Variants in CBX5 observed in about 807,000 individuals in gnomAD.
CBX5 encodes chromobox 5.
A neutral mutation model predicts 20.7 loss-of-function variants in CBX5; 7 were observed. The observed-to-expected ratio is 0.34, with a 90% CI of 0.19 to 0.63. The LOEUF (loss-of-function observed/expected upper bound fraction) is 0.63, where lower values mean the gene tolerates loss of function less well. Ranked by LOEUF, CBX5 falls within the 30% of genes least tolerant of loss-of-function variation. The pLI is 0.75. For synonymous variants in CBX5, 78 were observed against 77.0 expected (o/e 1.01, Z -0.07); for missense variants, 110 against 224.1 (o/e 0.49, Z 3.25).
chr12:54,257,780 C>T lies in CBX5; in HGVS notation c.-42-88G>A, dbSNP rs991762634. On this transcript the variant is annotated intron_variant, in intron 1 of 4. Transcript: ENST00000209875. ...TTGATGGGATGAAAAGGGGATAACACTGAGTTGCCATGTGCCCTGCTCTTG... is the reference window on the plus strand; with the variant it reads ...TTGATGGGATGAAAAGGGGATAACATTGAGTTGCCATGTGCCCTGCTCTTG... The T allele has an allele frequency of 4.4e-6, 4 of 916,382 alleles. No homozygotes were observed. The African/African-American group carries it at 5.0e-5, about 11-fold the overall frequency. The allele number at this position is 916,382 out of a possible 1,614,324, so 56.8% of individuals were successfully genotyped here. A position where few individuals can be genotyped will look rare whatever the true frequency, so the allele number is the denominator to read the frequency against.
rs1215507350 is a variant in CBX5, at chr12:54,236,001, C to T, written c.*5754G>A. 6.6e-6 allele frequency: 1 copy of T among 152,216 alleles called. No homozygotes were observed. Among genetic ancestry groups the T allele is most frequent in the East Asian group, 1.9e-4 (1 of 5,196 alleles). The allele number at this position is 152,216 out of a possible 1,614,324, so 9.4% of individuals were successfully genotyped here. A position where few individuals can be genotyped will look rare whatever the true frequency, so the allele number is the denominator to read the frequency against. On this transcript the variant is annotated 3_prime_UTR_variant, in exon 5 of 5. Transcript: ENST00000209875. ...CAATCCCAACTCACCTGTTTTCTCT[C>T]TCAGTAATAACAGCATTTCCAACCC...
chr12:54,240,267 T>C lies in CBX5; in HGVS notation c.*1488A>G, dbSNP rs773192089. On this transcript the variant is annotated 3_prime_UTR_variant, in exon 5 of 5. Coordinates refer to ENST00000209875, the MANE Select transcript of CBX5 (RefSeq NM_012117.3). ...GGATATGATCAGACAAATTTCTCAA[T>C]AGCAACACAAGAAGAAACCAAAACG... 2 of 152,122 alleles carry C rather than the reference T, an allele frequency of 1.3e-5. No individual in the cohort carries two copies. Among genetic ancestry groups the C allele is most frequent in the South Asian group, 2.1e-4 (1 of 4,828 alleles). The allele number at this position is 152,122 out of a possible 1,614,324, so 9.4% of individuals were successfully genotyped here.
intron 1 of CBX5, among the ~76,000 whole-genome samples, chr12:54,271,386 C>T (rs911309530): frequency 4.6e-5 from 7 of 152,126 alleles, no homozygotes; most frequent in Non-Finnish European, 8.8e-5. Context: ...AGTGCAGTGG[C>T]GCGATCTCCG....
chr12:54,258,450 C>T (rs1031363093), intron 1 of CBX5: 2 of 152,146 alleles, frequency 1.3e-5, no homozygotes, highest in Non-Finnish European at 2.9e-5. Flanking sequence ...TAAGAAGGTA[C>T]CTCTCCCTCT....
chr12:54,248,533 GATC>G (rs1438304323), intron 3 of CBX5, among the ~76,000 whole-genome samples: 1 of 152,156 alleles, frequency 6.6e-6, no homozygotes, highest in Non-Finnish European at 1.5e-5. Context: ...TCCACGCGTG[GATC>G]AATGAGAGAT....
intron 1 of CBX5, among the ~76,000 whole-genome samples, chr12:54,267,016 G>A (rs1291353675): frequency 1.3e-5 from 2 of 152,180 alleles, no homozygotes; most frequent in Non-Finnish European, 2.9e-5. Flanking sequence ...ATGGGAAAAT[G>A]CCTTCCAGAT....
chr12:54,256,780 C>T (rs1003237006), intron 2 of CBX5, among the ~76,000 whole-genome samples: 12 of 152,134 alleles, frequency 7.9e-5, no homozygotes, highest in African/African-American at 2.9e-4. Flanking sequence ...CAGCCAGGCA[C>T]GGTGGCTCAC....
At chr12:54,244,694 C>T (rs1283338321) in intron 4 of CBX5, among the ~76,000 whole-genome samples, 5 of 151,830 alleles carry the variant, frequency 3.3e-5, no homozygotes, top group Non-Finnish European at 5.9e-5. Context: ...GCCAAGATCG[C>T]GCCACTGCAC....
chr12:54,253,910 G>A (rs995280527), intron 2 of CBX5, among the ~76,000 whole-genome samples: 2 of 151,472 alleles, frequency 1.3e-5, no homozygotes, highest in African/African-American at 4.9e-5. Context: ...ACAGGCATGC[G>A]CCACCAATTT....
At chr12:54,265,708 TC>T (rs1348757257) in intron 1 of CBX5, among the ~76,000 whole-genome samples, 2 of 152,130 alleles carry the variant, frequency 1.3e-5, no homozygotes, top group Non-Finnish European at 2.9e-5. Context: ...AGAAATGTTC[TC>T]CCATTGGCTA....
chr12:54,256,186 A>G (rs748791776), intron 2 of CBX5, among the ~76,000 whole-genome samples: 31 of 152,320 alleles, frequency 2.0e-4, no homozygotes, highest in Non-Finnish European at 4.1e-4. Flanking sequence ...AATGGGCCCA[A>G]TAAACATCTT....
rs1224603540 is a variant in CBX5, at chr12:54,241,626, T to C, written c.*129A>G. On this transcript the variant is annotated 3_prime_UTR_variant, in exon 5 of 5. Coordinates refer to ENST00000209875, the MANE Select transcript of CBX5 (RefSeq NM_012117.3). ...AGAGAACCAATACCAACATTTCTCC[T>C]GTGGAGCACAGTGATAAGCACATTT... 1.3e-6 allele frequency: 1 copy of C among 790,282 alleles called. No individual in the cohort carries two copies. Among genetic ancestry groups the C allele is most frequent in the African/African-American group, 1.7e-5 (1 of 57,388 alleles). 49.0% of individuals were successfully genotyped at this position (790,282 alleles called of 1,614,324 possible).
At chr12:54,269,292 C>T (rs914443279) in intron 1 of CBX5, among the ~76,000 whole-genome samples, 1 of 152,088 alleles carries the variant, frequency 6.6e-6, no homozygotes, top group Non-Finnish European at 1.5e-5. Context: ...CTGTTTTAAG[C>T]GTTCCTGCTT....
chr12:54,257,413 G>T, intron 2 of CBX5, 101 bp downstream of exon 2: 1 of 1,192,792 alleles, frequency 8.4e-7, no homozygotes, highest in South Asian at 1.4e-5. Flanking sequence ...GAGTGCAGGA[G>T]GGGGAAGAAA....
At chr12:54,248,692 G>C (rs749359462) in intron 3 of CBX5, among the ~76,000 whole-genome samples, 1 of 152,192 alleles carries the variant, frequency 6.6e-6, no homozygotes, top group Non-Finnish European at 1.5e-5. Flanking sequence ...TTGCTACATA[G>C]GGAGGGAAGA....
intron 1 of CBX5, chr12:54,272,057 C>T (rs1262725834): frequency 1.3e-5 from 2 of 152,166 alleles, no homozygotes; most frequent in Admixed American, 6.5e-5. Context: ...ACAGAGAGTT[C>T]AAGGATTTGT....
intron 1 of CBX5, among the ~76,000 whole-genome samples, chr12:54,270,048 CT>C (rs1565874410): frequency 6.6e-6 from 1 of 151,884 alleles, no homozygotes; most frequent in Non-Finnish European, 1.5e-5. Flanking sequence ...ATCTTTTTTC[CT>C]GATTTATCAA....
chr12:54,278,838 A>T (rs982816668), intron 1 of CBX5: 4 of 152,254 alleles, frequency 2.6e-5, no homozygotes, highest in Non-Finnish European at 5.9e-5. Context: ...TCAAAGGAAC[A>T]GCAAAAAGAG....
intron 1 of CBX5, chr12:54,259,472 A>C (rs1943894403): frequency 6.6e-6 from 1 of 152,636 alleles, no homozygotes; most frequent in Non-Finnish European, 1.5e-5. Flanking sequence ...GGAGCCCCAA[A>C]GGTAGAAAAT....
Sources: gnomAD v4.1 joint callset for allele counts (sites outside exome capture counted in the v4.1 genomes callset) on GRCh38, gnomAD v4.1.1 for gene constraint, MANE v1.5 for transcripts, NCBI Gene and HGNC (gene_info 2026-07-23, HGNC 2026-07-21) for gene names.